Variants in WDSUB1 observed in about 807,000 individuals in gnomAD.
WDSUB1 encodes WD repeat, sterile alpha motif and U-box domain containing 1.
Under a neutral mutation model 53.9 loss-of-function variants are expected in WDSUB1, and 49 were observed. That is an observed-to-expected ratio of 0.91 (90% CI 0.72 to 1.15). The LOEUF (loss-of-function observed/expected upper bound fraction) is 1.15, where lower values mean the gene tolerates loss of function less well. WDSUB1 is among the 50% of genes most tolerant of loss of function. WDSUB1 has a pLI of 0.00. For synonymous variants in WDSUB1, 194 were observed against 200.6 expected (o/e 0.97, Z 0.28); for missense variants, 514 against 562.0 (o/e 0.91, Z 0.86).
intron 10 of WDSUB1, among the ~76,000 whole-genome samples, chr2:159,247,144 T>C (rs1420110080): frequency 6.6e-6 from 1 of 152,262 alleles, no homozygotes; most frequent in African/African-American, 2.4e-5. Context: ...GCCACTGCTA[T>C]ACTCATAGCA....
At chr2:159,263,111 T>G (rs6432521) in intron 5 of WDSUB1, among the ~76,000 whole-genome samples, 1 of 152,122 alleles carries the variant, frequency 6.6e-6, no homozygotes, top group Non-Finnish European at 1.5e-5. Flanking sequence ...CAACAACACA[T>G]AGCTATGTGC....
intron 9 of WDSUB1, among the ~76,000 whole-genome samples, chr2:159,251,071 T>C (rs1018956428): frequency 1.3e-5 from 2 of 148,414 alleles, no homozygotes; most frequent in Non-Finnish European, 3.0e-5. Flanking sequence ...GAGACCAGCC[T>C]GGGCAACATA....
At chr2:159,259,318 C>T (rs1193559604) in intron 6 of WDSUB1, among the ~76,000 whole-genome samples, 2 of 152,206 alleles carry the variant, frequency 1.3e-5, no homozygotes, top group Admixed American at 6.5e-5. Flanking sequence ...AGCCACTGCA[C>T]CCGGCCACAA....
intron 6 of WDSUB1, among the ~76,000 whole-genome samples, chr2:159,258,805 G>A (rs986365466): frequency 2.0e-5 from 3 of 152,096 alleles, no homozygotes; most frequent in South Asian, 2.1e-4. Flanking sequence ...CTCATGAAAC[G>A]TTCATGAGAA....
chr2:159,246,640 A>G (rs1037975057), intron 10 of WDSUB1, among the ~76,000 whole-genome samples: 1 of 152,200 alleles, frequency 6.6e-6, no homozygotes, highest in Non-Finnish European at 1.5e-5. Flanking sequence ...TTTCACTCCT[A>G]TATATTTAAC....
Position 159,236,134 on chromosome 2 carries a change from T to A in WDSUB1, c.1330A>T (p.Thr444Ser), listed in dbSNP as rs1208322392. 6.2e-7 allele frequency: 1 copy of A among 1,613,824 alleles called. No homozygotes were observed. The highest frequency in any genetic ancestry group is 1.1e-5 in the South Asian group (1 of 90,926). The stretch of plus-strand genomic sequence containing the variant: ...AGAACAAGATTTGTCATGGGACTTG[T>A]ACGTTTCTTTTTGCTGATCCAATTT... The part of the protein sequence containing the change: ...MENWISKKKR[T>S]SPMTNLVLPS... The change falls in exon 11 of 11, where the codon ACA becomes TCA. Residue 444 changes from threonine to serine, a missense_variant. Transcript: ENST00000359774.
intron 5 of WDSUB1, among the ~76,000 whole-genome samples, chr2:159,268,127 T>G (rs762431565): frequency 1.3e-5 from 2 of 152,218 alleles, no homozygotes; most frequent in African/African-American, 2.4e-5. Flanking sequence ...CACTTAACAC[T>G]TCCTCCATGA....
Position 159,282,653 on chromosome 2 carries a change from A to T in WDSUB1, c.398+19T>A. On this transcript the variant is annotated intron_variant, in intron 2 of 10. Coordinates refer to ENST00000359774, the MANE Select transcript of WDSUB1 (RefSeq NM_001128212.3). The stretch of plus-strand genomic sequence containing the variant: ...CCTAGTCAACAGGATTAAAACAGGA[A>T]GGATTTAAATATCCATACCTATATA... 1 of 1,589,382 alleles carries T rather than the reference A, an allele frequency of 6.3e-7. No homozygotes were observed. Among genetic ancestry groups the T allele is most frequent in the Non-Finnish European group, 8.6e-7 (1 of 1,162,862 alleles).
At chr2:159,270,393 CAAGTTGATTCTAA>C (rs2061423879) in intron 5 of WDSUB1, among the ~76,000 whole-genome samples, 1 of 152,070 alleles carries the variant, frequency 6.6e-6, no homozygotes, top group South Asian at 2.1e-4. Context: ...GGCAATTTAA[CAAGTTGATTCTAA>C]AATTTACATG....
In WDSUB1 at chr2:159,282,529, T is replaced by C. The variant is rs559562454; in HGVS notation, c.398+143A>G. 9.6e-5 allele frequency: 90 copies of C among 942,364 alleles called. No homozygotes were observed. In the African/African-American group the frequency reaches 1.3e-3, roughly 14 times the overall value. 58.4% of individuals were successfully genotyped at this position (942,364 alleles called of 1,614,324 possible). ...TTTTCCTTGTGCTACCTGAAAACTA[T>C]TGGCTTCCTAGGGTCATCAAAATAT... On this transcript the variant is annotated intron_variant, in intron 2 of 10. Coordinates refer to ENST00000359774, the MANE Select transcript of WDSUB1 (RefSeq NM_001128212.3).
At chr2:159,253,488 T>C (rs2151081673) in intron 9 of WDSUB1, among the ~76,000 whole-genome samples, 1 of 152,354 alleles carries the variant, frequency 6.6e-6, no homozygotes, top group South Asian at 2.1e-4. Flanking sequence ...TGAAAAAAGA[T>C]TTGATAAACT....
Position 159,260,428 on chromosome 2 carries a change from C to A in WDSUB1, c.771-585G>T, listed in dbSNP as rs371559871. Among the ~76,000 whole-genome samples the A allele has an allele frequency of 6.6e-5, 10 of 152,224 alleles. No individual in the cohort carries two copies. The East Asian group carries it at 1.2e-3, about 18-fold the overall frequency. ...GCATCTCTGATATATAAATAAAACA[C>A]GACTCTATAACAAGTTAGTAACTGA... is the stretch of plus-strand genomic sequence containing the variant. On this transcript the variant is annotated intron_variant, in intron 5 of 10. Coordinates refer to ENST00000359774, the MANE Select transcript of WDSUB1 (RefSeq NM_001128212.3).
At chr2:159,272,247 A>G (rs1275674094) in intron 4 of WDSUB1, among the ~76,000 whole-genome samples, 1 of 152,258 alleles carries the variant, frequency 6.6e-6, no homozygotes, top group African/African-American at 2.4e-5. Flanking sequence ...ATAGATTTCT[A>G]AAGTGCATTC....
At chr2:159,253,907 CA>C in intron 9 of WDSUB1, among the ~76,000 whole-genome samples, 1 of 152,188 alleles carries the variant, frequency 6.6e-6, no homozygotes, top group African/African-American at 2.4e-5. Flanking sequence ...ATGAAGGTTG[CA>C]AAAACCTTAA....
In WDSUB1 at chr2:159,248,412, T is replaced by C; in HGVS notation, c.1233A>G (p.Pro411=). ...GATCTTTCATAAGTTCTCTAGTTAT[T>C]GGACATATAAATTCATCAGGAATTC... is the stretch of plus-strand genomic sequence containing the variant. ...SSGIPDEFIC[P]ITRELMKDPV... is the part of the protein sequence containing the mutation. Residue 411 remains proline, a synonymous_variant, in exon 10 of 11, where the codon CCA becomes CCG. Coordinates refer to ENST00000359774, the MANE Select transcript of WDSUB1 (RefSeq NM_001128212.3). 4.3e-6 allele frequency: 7 copies of C among 1,611,652 alleles called. No individual in the cohort carries two copies. Among genetic ancestry groups the C allele is most frequent in the Non-Finnish European group, 5.9e-6 (7 of 1,179,142 alleles).
chr2:159,257,877 A>C lies in WDSUB1; in HGVS notation c.846-13T>G, dbSNP rs201851699. 1.3e-4 allele frequency: 208 copies of C among 1,612,848 alleles called. No individual in the cohort carries two copies. In the African/African-American group the frequency reaches 2.5e-3, roughly 19 times the overall value. On this transcript the variant is annotated splice_polypyrimidine_tract_variant and intron_variant, in intron 7 of 10. Coordinates refer to ENST00000359774, the MANE Select transcript of WDSUB1 (RefSeq NM_001128212.3). ...AGTTGTGACATACCTAGTTAATAAAAACAACTATTATGTATCTTCTGACTA... is the reference window on the plus strand; with the variant it reads ...AGTTGTGACATACCTAGTTAATAAACACAACTATTATGTATCTTCTGACTA...
rs1369583418 is a variant in WDSUB1 at position 159,283,081 on chromosome 2, G to C, written c.-12C>G. The C allele has an allele frequency of 1.9e-6, 3 of 1,583,824 alleles. No individual in the cohort carries two copies. Among genetic ancestry groups the C allele is most frequent in the African/African-American group, 2.7e-5 (2 of 73,862 alleles). Reference sequence around the variant, plus strand: ...ATCAGTTTCACCATGTTCTTTATTTGAAGAAAAACAGCCTGAAATTTTTAA... The same window carrying C: ...ATCAGTTTCACCATGTTCTTTATTTCAAGAAAAACAGCCTGAAATTTTTAA... On this transcript the variant is annotated 5_prime_UTR_variant, in exon 2 of 11. Transcript: ENST00000359774.
chr2:159,239,280 C>T (rs936355752), intron 10 of WDSUB1, among the ~76,000 whole-genome samples: 1 of 134,356 alleles, frequency 7.4e-6, no homozygotes, highest in African/African-American at 3.5e-5. Context: ...GCTGGGTTTA[C>T]AGACATGGAT....
intron 9 of WDSUB1, among the ~76,000 whole-genome samples, chr2:159,251,666 T>C (rs1281986937): frequency 2.0e-5 from 3 of 152,328 alleles, no homozygotes; most frequent in Middle Eastern, 3.4e-3. Flanking sequence ...AATATCTGGC[T>C]ATTACTGACT....
Sources: gnomAD v4.1 joint callset for allele counts (sites outside exome capture counted in the v4.1 genomes callset) on GRCh38, gnomAD v4.1.1 for gene constraint, MANE v1.5 for transcripts, NCBI Gene and HGNC (gene_info 2026-07-23, HGNC 2026-07-21) for gene names.